CEP63: variants seen among roughly 807,000 people sequenced by gnomAD.
CEP63 encodes the protein centrosomal protein 63.
A neutral mutation model predicts 89.1 loss-of-function variants in CEP63; 84 were observed. The observed-to-expected ratio is 0.94, with a 90% CI of 0.79 to 1.13. The LOEUF (loss-of-function observed/expected upper bound fraction) is 1.13, where lower values mean the gene tolerates loss of function less well. CEP63 is among the 50% of genes most tolerant of loss of function. The pLI, the probability that CEP63 is intolerant of heterozygous loss-of-function variation, is 0.00. For missense variants in CEP63, 838 were observed against 813.3 expected (o/e 1.03, Z -0.37); for synonymous variants, 267 against 272.5 (o/e 0.98, Z 0.20).
chr3:134,641,909 C>T, the CEP63 span, among the ~76,000 whole-genome samples: 1 of 152,196 alleles, frequency 6.6e-6, no homozygotes, highest in Non-Finnish European at 1.5e-5. Context: ...CTAATCCACT[C>T]TCATTATAGC....
chr3:134,606,665 C>T, the CEP63 span, among the ~76,000 whole-genome samples: 3,330 of 152,294 alleles, frequency 0.022, 60 homozygotes, highest in South Asian at 0.049. Context: ...TAGCCTGTTT[C>T]ATTTCCTGCC....
intron 3 of CEP63, among the ~76,000 whole-genome samples, chr3:134,521,513 A>G (rs1023759378): frequency 2.8e-4 from 43 of 152,170 alleles, no homozygotes; most frequent in Admixed American, 2.4e-3. Flanking sequence ...TCTGCTTTAA[A>G]CACTAAAAGT....
At chr3:134,718,254 G>T in the CEP63 span, among the ~76,000 whole-genome samples, 1 of 152,302 alleles carries the variant, frequency 6.6e-6, no homozygotes, top group South Asian at 2.1e-4. Flanking sequence ...ATTAAAGTAG[G>T]TAGAATCTAA....
At chr3:134,689,924 G>A in the CEP63 span, among the ~76,000 whole-genome samples, 1 of 152,184 alleles carries the variant, frequency 6.6e-6, no homozygotes, top group South Asian at 2.1e-4. Context: ...CTTCCATAGC[G>A]AGGAAGGGAA....
At chr3:134,587,499 C>T (rs1958509996) in exon 11 of CEP63, among the ~76,000 whole-genome samples, 1 of 152,202 alleles carries the variant, frequency 6.6e-6, no homozygotes, top group African/African-American at 2.4e-5. Flanking sequence ...ACTCCAGACG[C>T]TGTTTGCCTG....
chr3:134,682,574 C>A, the CEP63 span, among the ~76,000 whole-genome samples: 1 of 152,168 alleles, frequency 6.6e-6, no homozygotes, highest in South Asian at 2.1e-4. Flanking sequence ...ATAAGTATAA[C>A]CTGTGGGATA....
chr3:134,699,966 A>G, the CEP63 span, among the ~76,000 whole-genome samples: 7 of 152,220 alleles, frequency 4.6e-5, no homozygotes, highest in African/African-American at 1.7e-4. Context: ...GCTCGTGGTG[A>G]GGCCATGAGA....
chr3:134,641,217 T>C, the CEP63 span: 1 of 152,230 alleles, frequency 6.6e-6, no homozygotes, highest in African/African-American at 2.4e-5. Context: ...CACTTTAAAT[T>C]GTCCCCTGGG....
At chr3:134,684,087 G>A in the CEP63 span, among the ~76,000 whole-genome samples, 9 of 152,328 alleles carry the variant, frequency 5.9e-5, no homozygotes, top group African/African-American at 1.9e-4. Context: ...GGTTTCATGA[G>A]AGCAAATGGT....
chr3:134,573,053 G>A (rs1958079181), intron 11 of CEP63, among the ~76,000 whole-genome samples: 1 of 152,120 alleles, frequency 6.6e-6, no homozygotes. Context: ...CTGCTTGTAT[G>A]TCTTCTTTTG....
chr3:134,611,928 A>G, the CEP63 span, among the ~76,000 whole-genome samples: 2 of 152,268 alleles, frequency 1.3e-5, no homozygotes, highest in African/African-American at 2.4e-5. Context: ...ATTGGATTAA[A>G]TATTACTAAT....
At chr3:134,610,225 A>C in the CEP63 span, 2 of 1,613,764 alleles carry the variant, frequency 1.2e-6, no homozygotes, top group African/African-American at 1.3e-5. Context: ...GATGGTGTCC[A>C]CCAGGCCGCT....
At chr3:134,682,431 G>A in the CEP63 span, among the ~76,000 whole-genome samples, 3 of 152,174 alleles carry the variant, frequency 2.0e-5, no homozygotes, top group African/African-American at 7.2e-5. Context: ...GGCCCTGTAA[G>A]CCAATAGCAA....
chr3:134,537,548 G>A (rs1951007312), intron 6 of CEP63, among the ~76,000 whole-genome samples: 1 of 152,078 alleles, frequency 6.6e-6, no homozygotes, highest in African/African-American at 2.4e-5. Context: ...CCCACTCTCT[G>A]TCATTGTCTT....
chr3:134,694,691 G>T, the CEP63 span, among the ~76,000 whole-genome samples: 1 of 152,218 alleles, frequency 6.6e-6, no homozygotes, highest in Admixed American at 6.5e-5. Context: ...CAAGGATTCA[G>T]TATTGAGTGT....
intron 3 of CEP63, among the ~76,000 whole-genome samples, chr3:134,520,342 A>G (rs1947177046): frequency 6.6e-6 from 1 of 152,198 alleles, no homozygotes; most frequent in South Asian, 2.1e-4. Context: ...AAAAGCACCA[A>G]ATAGAGTAAA....
At chr3:134,504,023 C>A (rs1017475605) in intron 2 of CEP63, among the ~76,000 whole-genome samples, 4 of 151,436 alleles carry the variant, frequency 2.6e-5, no homozygotes, top group Non-Finnish European at 5.9e-5. Context: ...TAACTCTTGT[C>A]GTTTTGTTAA....
the CEP63 span, among the ~76,000 whole-genome samples, chr3:134,748,977 T>G: frequency 6.6e-6 from 1 of 152,064 alleles, no homozygotes; most frequent in African/African-American, 2.4e-5. Flanking sequence ...GGGAACCACT[T>G]GCAGGTGGGA....
the CEP63 span, among the ~76,000 whole-genome samples, chr3:134,774,060 C>G: frequency 1.3e-5 from 2 of 152,196 alleles, no homozygotes; most frequent in Admixed American, 1.3e-4. Flanking sequence ...CTTTGCCTTA[C>G]TGATGCAGAG....
Sources: gnomAD v4.1 joint callset for allele counts (sites outside exome capture counted in the v4.1 genomes callset) on GRCh38, gnomAD v4.1.1 for gene constraint, MANE v1.5 for transcripts, NCBI Gene and HGNC (gene_info 2026-07-23, HGNC 2026-07-21) for gene names.